The following GALNT12 variants were observed in gnomAD, a reference collection of about 807,000 sequenced individuals.
GALNT12 encodes UDP-GalNAc:polypeptide N-acetylgalactosaminyltransferase 12.
Under a neutral mutation model 55.5 loss-of-function variants are expected in GALNT12, and 45 were observed. The ratio of observed to expected loss-of-function variants is 0.81; its 90% CI spans 0.64 to 1.04. The LOEUF is 1.04. Among genes scored for constraint, GALNT12 ranks in the 50% least tolerant of loss-of-function variants. GALNT12 has a pLI of 0.00. For missense variants in GALNT12, 709 were observed against 754.8 expected, an observed-to-expected ratio of 0.94 and a Z score of 0.71; for synonymous variants, 304 against 312.2, an observed-to-expected ratio of 0.97 and a Z score of 0.28.
chr9:98,832,961 C>T (rs1157257095), intron 4 of GALNT12, among the ~76,000 whole-genome samples: 1 of 152,154 alleles, frequency 6.6e-6, no homozygotes, highest in Admixed American at 6.5e-5. Flanking sequence ...GTTTTCCATT[C>T]TTTTGGGTAT....
intron 7 of GALNT12, among the ~76,000 whole-genome samples, chr9:98,840,380 A>C (rs1051368357): frequency 6.6e-6 from 1 of 152,090 alleles, no homozygotes; most frequent in Non-Finnish European, 1.5e-5. Flanking sequence ...GTAGGTAAGG[A>C]AACTGAGGCT....
rs1455709953 is a variant in GALNT12, at chr9:98,823,566, G to A, written c.541+141G>A. 5.5e-6 allele frequency: 4 copies of A among 721,190 alleles called. No individual in the cohort carries two copies. In the African/African-American group the frequency reaches 7.0e-5, roughly 13 times the overall value. 44.7% of individuals were successfully genotyped at this position (721,190 alleles called of 1,614,324 possible). On this transcript the variant is annotated intron_variant, in intron 2 of 9. Coordinates refer to ENST00000375011, the MANE Select transcript of GALNT12 (RefSeq NM_024642.5). Reference sequence around the variant, plus strand: ...CTCCTGTACCCAAGGAAGACCTCAGGGATAGTAGCCCAGAAACAGTAGGCG... The same window carrying A: ...CTCCTGTACCCAAGGAAGACCTCAGAGATAGTAGCCCAGAAACAGTAGGCG...
At chr9:98,816,651 CT>C (rs374259532) in intron 1 of GALNT12, among the ~76,000 whole-genome samples, 2,630 of 138,548 alleles carry the variant, frequency 0.019, 64 homozygotes, top group African/African-American at 0.057. Flanking sequence ...AAGCAATTAA[CT>C]TTTTTTTTTT....
rs944091378 is a variant in GALNT12, at chr9:98,831,951, T to C, written c.911T>C (p.Val304Ala). ...ERIRMQSPVD[V>A]IRSPTMAGGL... is the part of the protein sequence containing the mutation. ...ATACGGATGCAATCCCCCGTCGATGTCATCAGGTCAGGAGCTGACTTCTGG... is the reference window on the plus strand; with the variant it reads ...ATACGGATGCAATCCCCCGTCGATGCCATCAGGTCAGGAGCTGACTTCTGG... Residue 304 changes from valine to alanine, a missense_variant, in exon 4 of 10, where the codon GTC becomes GCC. Val to Ala is a moderately conservative substitution (Grantham distance 64, BLOSUM62 0). Transcript: ENST00000375011. 1.1e-5 allele frequency: 18 copies of C among 1,613,562 alleles called. No homozygotes were observed. Among genetic ancestry groups the C allele is most frequent in the African/African-American group, 4.0e-5 (3 of 74,920 alleles).
At chr9:98,836,207 T>A (rs1836141764) in intron 5 of GALNT12, among the ~76,000 whole-genome samples, 1 of 152,234 alleles carries the variant, frequency 6.6e-6, no homozygotes, top group African/African-American at 2.4e-5. Flanking sequence ...ATTGGAAAAC[T>A]CCTAGCATTT....
At chr9:98,830,118 G>A (rs1299284177) in intron 3 of GALNT12, among the ~76,000 whole-genome samples, 1 of 152,170 alleles carries the variant, frequency 6.6e-6, no homozygotes, top group Non-Finnish European at 1.5e-5. Flanking sequence ...AACCTGGGGA[G>A]CTTTTTAAAC....
chr9:98,826,755 A>G lies in GALNT12; in HGVS notation c.545A>G (p.His182Arg), dbSNP rs1196473648. ...ILVDDYSDRE[H>R]LKERLANELS... ...GTTGCTTTGTTTGCCTCCCTAGAGC[A>G]CCTGAAGGAGCGCTTGGCCAATGAG... The change falls in exon 3 of 10, where the codon CAC becomes CGC. Residue 182 changes from histidine to arginine, a missense_variant. Physicochemically the swap from His to Arg is conservative, Grantham distance 29. Coordinates refer to ENST00000375011, the MANE Select transcript of GALNT12 (RefSeq NM_024642.5). The G allele has an allele frequency of 8.7e-6, 14 of 1,610,924 alleles. No individual in the cohort carries two copies. The highest frequency in any genetic ancestry group is 1.2e-5 in the Non-Finnish European group (14 of 1,179,646).
At chr9:98,826,666 A>AGGGAGGCCC in intron 2 of GALNT12, 86 bp from the exon 3 acceptor site, 1 of 1,290,822 alleles carries the variant, frequency 7.7e-7, no homozygotes, top group South Asian at 1.3e-5. Context: ...TGTTTGGGAC[A>AGGGAGGCCC]GGGAGGCCCA....
intron 2 of GALNT12, among the ~76,000 whole-genome samples, chr9:98,825,480 G>T (rs1835837442): frequency 1.3e-5 from 2 of 152,296 alleles, no homozygotes; most frequent in South Asian, 4.1e-4. Context: ...GTGTAAGCTT[G>T]ATGAAAGGGT....
At chr9:98,829,827 A>T (rs1420810263) in intron 3 of GALNT12, among the ~76,000 whole-genome samples, 1 of 152,088 alleles carries the variant, frequency 6.6e-6, no homozygotes, top group Non-Finnish European at 1.5e-5. Context: ...GATGAATAGT[A>T]CTCTATTGTG....
Position 98,846,102 on chromosome 9 carries a change from T to G in GALNT12, c.1584T>G (p.Asn528Lys), listed in dbSNP as rs757588259. 1 of 1,614,178 alleles carries G rather than the reference T, an allele frequency of 6.2e-7. No individual in the cohort carries two copies. Among genetic ancestry groups the G allele is most frequent in the Non-Finnish European group, 8.5e-7 (1 of 1,180,030 alleles). The stretch of plus-strand genomic sequence containing the variant: ...TCTGCGAAGAAACTGCCCCAGAGAA[T>G]CAGAAGTTCATCTTGCAGGAGGTAG... Reference protein sequence around the residue: ...MHLCEETAPENQKFILQEDGS... With the variant: ...MHLCEETAPEKQKFILQEDGS... Residue 528 changes from asparagine (N) to lysine (K), a missense_variant, in exon 9 of 10, where the codon AAT becomes AAG. Asn to Lys is a moderately conservative substitution (Grantham distance 94, BLOSUM62 0). Transcript: ENST00000375011.
intron 1 of GALNT12, among the ~76,000 whole-genome samples, chr9:98,813,698 C>T (rs1437902884): frequency 2.0e-5 from 3 of 152,024 alleles, no homozygotes; most frequent in Non-Finnish European, 4.4e-5. Context: ...CGGGGTTTCA[C>T]CATGTTGGTC....
chr9:98,816,651 C>CTTTT (rs374259532), intron 1 of GALNT12, among the ~76,000 whole-genome samples: 1 of 138,634 alleles, frequency 7.2e-6, no homozygotes, highest in African/African-American at 2.7e-5. Flanking sequence ...AAGCAATTAA[C>CTTTT]TTTTTTTTTT....
intron 6 of GALNT12, among the ~76,000 whole-genome samples, chr9:98,838,701 C>G (rs1005836778): frequency 6.6e-6 from 1 of 152,332 alleles, no homozygotes; most frequent in Middle Eastern, 3.4e-3. Flanking sequence ...GCCTGCTTGC[C>G]CTGCATTTGC....
Position 98,835,325 on chromosome 9 carries a change from A to G in GALNT12, c.994A>G (p.Met332Val), listed in dbSNP as rs766388702. ...ATATCTGGGGTCTTATGATACAGGAATGGAAGTTTGGGGAGGAGAAAACCT... is the reference window on the plus strand; with the variant it reads ...ATATCTGGGGTCTTATGATACAGGAGTGGAAGTTTGGGGAGGAGAAAACCT... ...FEYLGSYDTG[M>V]EVWGGENLEF... is the part of the protein sequence containing the mutation. The change falls in exon 5 of 10, where the codon ATG becomes GTG. Residue 332 changes from methionine (M) to valine (V), a missense_variant. Met to Val is a conservative substitution (Grantham distance 21). Transcript: ENST00000375011. The G allele has an allele frequency of 6.2e-7, 1 of 1,613,836 alleles. No homozygotes were observed. Among genetic ancestry groups the G allele is most frequent in the South Asian group, 1.1e-5 (1 of 91,088 alleles).
At chr9:98,832,536 TAAAAC>T (rs1382610065) in intron 4 of GALNT12, among the ~76,000 whole-genome samples, 1 of 152,028 alleles carries the variant, frequency 6.6e-6, no homozygotes, top group Admixed American at 6.6e-5. Context: ...AATAAATAAA[TAAAAC>T]AAAGCATGCA....
At chr9:98,816,556 T>C (rs1021199165) in intron 1 of GALNT12, among the ~76,000 whole-genome samples, 6 of 152,180 alleles carry the variant, frequency 3.9e-5, no homozygotes, top group African/African-American at 1.4e-4. Context: ...AACTTGTGCA[T>C]GTTTGAAACA....
intron 5 of GALNT12, among the ~76,000 whole-genome samples, chr9:98,836,694 C>G (rs1473048360): frequency 6.6e-6 from 1 of 152,158 alleles, no homozygotes; most frequent in East Asian, 1.9e-4. Context: ...AGCGAGGTCT[C>G]TGTGGATGCT....
chr9:98,845,834 C>T (rs771678788), intron 8 of GALNT12, 143 bp from the exon 9 acceptor site: 3 of 817,158 alleles, frequency 3.7e-6, no homozygotes, highest in Non-Finnish European at 6.2e-6. Context: ...GCGGAGGAAC[C>T]CATCACACAG....
Sources: allele counts gnomAD v4.1 joint callset (sites outside exome capture counted in the v4.1 genomes callset), GRCh38; gene constraint gnomAD v4.1.1; transcripts MANE v1.5; gene names NCBI Gene and HGNC (gene_info 2026-07-23, HGNC 2026-07-21).